TXNDC12: variants seen among roughly 807,000 people sequenced by gnomAD.
TXNDC12 encodes thioredoxin domain-containing protein 12.
Under a neutral mutation model 24.2 loss-of-function variants are expected in TXNDC12, and 22 were observed. The ratio of observed to expected loss-of-function variants is 0.91; its 90% CI spans 0.65 to 1.30. The LOEUF (loss-of-function observed/expected upper bound fraction) is 1.30, where lower values mean the gene tolerates loss of function less well. Ranked by LOEUF, TXNDC12 falls within the 50% of genes most tolerant of loss-of-function variation. The pLI, the probability that TXNDC12 is intolerant of heterozygous loss-of-function variation, is 0.00. For synonymous variants in TXNDC12, 58 were observed against 73.4 expected, an observed-to-expected ratio of 0.79 and a Z score of 1.07; for missense variants, 184 against 205.8, an observed-to-expected ratio of 0.89 and a Z score of 0.65.
intron 3 of TXNDC12, among the ~76,000 whole-genome samples, chr1:52,027,616 G>T (rs1685689108): frequency 6.6e-6 from 1 of 151,870 alleles, no homozygotes; most frequent in Non-Finnish European, 1.5e-5. Context: ...CGAATAGGGG[G>T]GAAAAGCATT....
Position 52,021,013 on chromosome 1 carries a change from CTG to C in TXNDC12, c.440-3_440-2del. ...TGAGCTTCCTTCATCCCCTGAACAA[CTG>C]TGAAATAAAGATTGGAGGAAAAAAG... is the stretch of plus-strand genomic sequence containing the variant. On this transcript the variant is annotated splice_acceptor_variant and splice_polypyrimidine_tract_variant and intron_variant, in intron 6 of 6. Coordinates refer to ENST00000371626, the MANE Select transcript of TXNDC12 (RefSeq NM_015913.4). LOFTEE classifies it high-confidence loss of function. 6.2e-7 allele frequency: 1 copy of C among 1,612,110 alleles called. No homozygotes were observed. Among genetic ancestry groups the C allele is most frequent in the Non-Finnish European group, 8.5e-7 (1 of 1,178,218 alleles).
At chr1:52,040,650 T>C (rs191032452) in intron 2 of TXNDC12, among the ~76,000 whole-genome samples, 184 of 152,386 alleles carry the variant, frequency 1.2e-3, no homozygotes, top group African/African-American at 4.3e-3. Context: ...TGCAAGTTTT[T>C]TGAAACTGCT....
chr1:52,020,220 G>T lies in TXNDC12; in HGVS notation c.*713C>A. The stretch of plus-strand genomic sequence containing the variant: ...AGTACAAAAATACAGTTGATGACTT[G>T]ACAAAATGGCTACACCTAGGGCTTG... On this transcript the variant is annotated 3_prime_UTR_variant, in exon 7 of 7. Coordinates refer to ENST00000371626, the MANE Select transcript of TXNDC12 (RefSeq NM_015913.4). 2 of 242,486 alleles carry T rather than the reference G, an allele frequency of 8.2e-6. No homozygotes were observed. The highest frequency in any genetic ancestry group is 9.8e-5 in the South Asian group (1 of 10,192). 15.0% of individuals were successfully genotyped at this position (242,486 alleles called of 1,614,324 possible).
intron 5 of TXNDC12, among the ~76,000 whole-genome samples, chr1:52,024,104 C>A (rs773602864): frequency 6.6e-6 from 1 of 151,920 alleles, no homozygotes; most frequent in Non-Finnish European, 1.5e-5. Context: ...AATTGATCCT[C>A]CCGCCTCAGC....
chr1:52,043,697 A>G (rs1686036866), intron 1 of TXNDC12, among the ~76,000 whole-genome samples: 1 of 152,206 alleles, frequency 6.6e-6, no homozygotes. Flanking sequence ...GTTATTCTAT[A>G]CGATTGAGAC....
intron 2 of TXNDC12, among the ~76,000 whole-genome samples, chr1:52,030,714 T>C (rs2124365391): frequency 6.6e-6 from 1 of 152,356 alleles, no homozygotes; most frequent in Non-Finnish European, 1.5e-5. Flanking sequence ...CATCTGTTTA[T>C]CCTTCTAGAG....
intron 6 of TXNDC12, among the ~76,000 whole-genome samples, chr1:52,022,806 A>T (rs1557989487): frequency 6.6e-6 from 1 of 151,222 alleles, no homozygotes; most frequent in East Asian, 1.9e-4. Flanking sequence ...ACGCCAGCTA[A>T]TTTTTTGTAT....
rs768382155 is a variant in TXNDC12, at chr1:52,032,731, A to G, written c.159-4101T>C. 9 of 1,612,934 alleles carry G rather than the reference A, an allele frequency of 5.6e-6. No individual in the cohort carries two copies. In the Admixed American group the frequency reaches 1.3e-4, roughly 24 times the overall value. On this transcript the variant is annotated intron_variant, in intron 2 of 6. Transcript: ENST00000371626. Reference sequence around the variant, plus strand: ...GCTCTGGCTCAAATACTGAAGAAACATGTTGGCCAGTTGCGGCAAGTTCTC... The same window carrying G: ...GCTCTGGCTCAAATACTGAAGAAACGTGTTGGCCAGTTGCGGCAAGTTCTC...
chr1:52,036,071 G>A (rs545476389), intron 2 of TXNDC12, among the ~76,000 whole-genome samples: 4 of 152,260 alleles, frequency 2.6e-5, no homozygotes, highest in South Asian at 4.1e-4. Flanking sequence ...AATGCCTAAT[G>A]CACAGTAGCA....
chr1:52,039,108 A>AG (rs1553236086), intron 2 of TXNDC12, among the ~76,000 whole-genome samples: 5 of 148,638 alleles, frequency 3.4e-5, no homozygotes, highest in Non-Finnish European at 3.0e-5. Context: ...AAAAAAAAAA[A>AG]GGGTTCATTT....
chr1:52,023,547 A>G lies in TXNDC12; in HGVS notation c.383T>C (p.Ile128Thr), dbSNP rs1685631140. The stretch of plus-strand genomic sequence containing the variant: ...GCTGGGGTTTCCATTCTCATTGATG[A>G]TTTCAGGATGCACCTTGCCACTGGG... Reference protein sequence around the residue: ...LDPSGKVHPEIINENGNPSYK... With the variant: ...LDPSGKVHPETINENGNPSYK... The change falls in exon 6 of 7, where the codon ATC becomes ACC. Residue 128 changes from isoleucine to threonine, a missense_variant. Ile to Thr is a moderately conservative substitution (Grantham distance 89). Coordinates refer to ENST00000371626, the MANE Select transcript of TXNDC12 (RefSeq NM_015913.4). The G allele has an allele frequency of 6.2e-7, 1 of 1,613,936 alleles. No homozygotes were observed. Among genetic ancestry groups the G allele is most frequent in the Non-Finnish European group, 8.5e-7 (1 of 1,179,960 alleles).
intron 4 of TXNDC12, among the ~76,000 whole-genome samples, chr1:52,025,773 C>T (rs1685663045): frequency 6.6e-6 from 1 of 152,022 alleles, no homozygotes; most frequent in East Asian, 1.9e-4. Flanking sequence ...TCACTGTTAA[C>T]TGTTAATGTG....
chr1:52,052,661 A>C (rs1686238806), intron 1 of TXNDC12: 1 of 154,022 alleles, frequency 6.5e-6, no homozygotes, highest in African/African-American at 2.4e-5. Context: ...CACAATTGTG[A>C]GCATAATAAA....
At chr1:52,046,865 AAATAT>A (rs1206497188) in intron 1 of TXNDC12, among the ~76,000 whole-genome samples, 744 of 30,122 alleles carry the variant, frequency 0.025, no homozygotes, top group Non-Finnish European at 0.034. Flanking sequence ...AAAAAAAAAA[AAATAT>A]ATATATATAT....
At chr1:52,055,231 GA>G (rs1245115905), upstream of TXNDC12, 1 of 652,608 alleles carries the variant, frequency 1.5e-6, no homozygotes, top group Non-Finnish European at 2.7e-6. Flanking sequence ...AACTCTGAAG[GA>G]AGTGATGTTA....
intron 1 of TXNDC12, among the ~76,000 whole-genome samples, chr1:52,054,387 G>A (rs958694682): frequency 6.6e-6 from 1 of 152,182 alleles, no homozygotes; most frequent in African/African-American, 2.4e-5. Flanking sequence ...GGAGTAGGGG[G>A]CCACACCTCC....
At chr1:52,024,731 C>A in intron 4 of TXNDC12, 152 bp from the exon 5 acceptor site, 1 of 608,252 alleles carries the variant, frequency 1.6e-6, no homozygotes, top group South Asian at 2.0e-5. Flanking sequence ...ACTTCTCTAA[C>A]TTAATGTCCT....
chr1:52,037,020 C>T (rs896652726), intron 2 of TXNDC12, among the ~76,000 whole-genome samples: 3 of 152,104 alleles, frequency 2.0e-5, no homozygotes, highest in Admixed American at 6.5e-5. Flanking sequence ...ATTTCTATAA[C>T]GACAATGGCA....
At chr1:52,043,474 T>C (rs761756919) in intron 1 of TXNDC12, among the ~76,000 whole-genome samples, 1 of 152,232 alleles carries the variant, frequency 6.6e-6, no homozygotes, top group Non-Finnish European at 1.5e-5. Context: ...CCACCTTATA[T>C]GTGCCTGACA....
Sources: allele counts gnomAD v4.1 joint callset (sites outside exome capture counted in the v4.1 genomes callset), GRCh38; gene constraint gnomAD v4.1.1; transcripts MANE v1.5; gene names NCBI Gene and HGNC (gene_info 2026-07-23, HGNC 2026-07-21).